Variants in COL24A1 observed in about 807,000 individuals in gnomAD.
The protein encoded by COL24A1 is collagen alpha-1(XXIV) chain.
A neutral mutation model predicts 253.9 loss-of-function variants in COL24A1; 224 were observed. The observed-to-expected ratio is 0.88, with a 90% CI of 0.79 to 0.99. The LOEUF (loss-of-function observed/expected upper bound fraction) is 0.99, where lower values mean the gene tolerates loss of function less well. COL24A1 is among the 50% of genes least tolerant of loss of function. The pLI is 0.00. For synonymous variants in COL24A1, 685 were observed against 673.7 expected (o/e 1.02, Z -0.26); for missense variants, 2,131 against 2,068.5 (o/e 1.03, Z -0.59).
chr1:86,089,649 T>C (rs1341421985), intron 6 of COL24A1, among the ~76,000 whole-genome samples: 1 of 151,924 alleles, frequency 6.6e-6, no homozygotes. Context: ...GTGAAACCCG[T>C]CTCTACTAAA....
chr1:86,089,305 T>C, intron 6 of COL24A1, 78 bp from the exon 7 acceptor site: 1 of 1,206,056 alleles, frequency 8.3e-7, no homozygotes, highest in Non-Finnish European at 1.2e-6. Flanking sequence ...AAAGCTCCTT[T>C]TAATTTTGGA....
intron 43 of COL24A1, among the ~76,000 whole-genome samples, chr1:85,833,069 T>G (rs1250625911): frequency 6.6e-6 from 1 of 152,132 alleles, no homozygotes; most frequent in Non-Finnish European, 1.5e-5. Context: ...GGGTTTGTCA[T>G]AGATAGCTCT....
chr1:86,101,960 C>A (rs1305370589), intron 5 of COL24A1, among the ~76,000 whole-genome samples: 2 of 151,910 alleles, frequency 1.3e-5, no homozygotes, highest in African/African-American at 2.4e-5. Flanking sequence ...AGGAATTGTA[C>A]CAGCTCTTTT....
intron 24 of COL24A1, among the ~76,000 whole-genome samples, chr1:85,920,919 G>A (rs1346285347): frequency 6.8e-6 from 1 of 146,996 alleles, no homozygotes. Context: ...TTCATTGGAG[G>A]CAAGAGGTAG....
intron 37 of COL24A1, among the ~76,000 whole-genome samples, chr1:85,853,588 G>A (rs189830048): frequency 5.1e-4 from 77 of 152,264 alleles, no homozygotes; most frequent in Non-Finnish European, 8.5e-4. Context: ...ATTCCCACTA[G>A]CAGTGTATAA....
chr1:86,063,275 G>C (rs866730104), intron 8 of COL24A1, among the ~76,000 whole-genome samples: 8 of 152,016 alleles, frequency 5.3e-5, no homozygotes, highest in Middle Eastern at 3.4e-3. Flanking sequence ...CTCAGGAAAA[G>C]GTCAGGGAAC....
At chr1:86,021,294 C>T (rs772597389) in intron 18 of COL24A1, among the ~76,000 whole-genome samples, 2 of 152,004 alleles carry the variant, frequency 1.3e-5, no homozygotes, top group Non-Finnish European at 2.9e-5. Context: ...AATCCTATAT[C>T]TAATTTTTTC....
intron 45 of COL24A1, among the ~76,000 whole-genome samples, chr1:85,822,625 T>C (rs115843747): frequency 1.5e-4 from 23 of 152,332 alleles, no homozygotes; most frequent in Non-Finnish European, 1.6e-4. Context: ...CTGTGTTACA[T>C]AGTCAAACTA....
intron 21 of COL24A1, 37 bp downstream of exon 21, chr1:85,971,302 AC>A (rs753113736): frequency 5.0e-6 from 8 of 1,585,260 alleles, no homozygotes; most frequent in Non-Finnish European, 6.0e-6. Context: ...TTAACTAAAA[AC>A]CTTGCTGAAG....
At chr1:85,947,757 T>C (rs1471598454) in intron 24 of COL24A1, among the ~76,000 whole-genome samples, 1 of 152,188 alleles carries the variant, frequency 6.6e-6, no homozygotes, top group Non-Finnish European at 1.5e-5. Flanking sequence ...CTAATAACTA[T>C]TTGTAATTTT....
chr1:86,040,338 AAGTTTTAG>A (rs1454940505), intron 12 of COL24A1, among the ~76,000 whole-genome samples: 2 of 150,838 alleles, frequency 1.3e-5, no homozygotes, highest in African/African-American at 4.9e-5. Flanking sequence ...ATTACACTTT[AAGTTTTAG>A]GGTACATGTG....
At position 85,812,284 on chromosome 1, in the gene COL24A1, C is replaced by T. The variant is rs930032042; in HGVS notation, c.3951+4504G>A. Among the ~76,000 whole-genome samples, 19 of 152,306 alleles carry T rather than the reference C, an allele frequency of 1.2e-4. No individual in the cohort carries two copies. In the East Asian group the frequency reaches 2.7e-3, roughly 22 times the overall value. ...AAGCAATTCAGATTTCCATGACACC[C>T]GTTCCCATTGCTTTGACATTGCTCC... is the stretch of plus-strand genomic sequence containing the variant. On this transcript the variant is annotated intron_variant, in intron 47 of 59. Coordinates refer to ENST00000370571, the MANE Select transcript of COL24A1 (RefSeq NM_152890.7).
intron 3 of COL24A1, among the ~76,000 whole-genome samples, chr1:86,116,669 A>G (rs1032722847): frequency 3.3e-5 from 5 of 152,196 alleles, no homozygotes; most frequent in Non-Finnish European, 5.9e-5. Flanking sequence ...ATTTTTTGAT[A>G]TTAACTACTC....
At chr1:86,053,284 G>C (rs1248140393) in intron 10 of COL24A1, among the ~76,000 whole-genome samples, 5 of 151,982 alleles carry the variant, frequency 3.3e-5, no homozygotes, top group Non-Finnish European at 5.9e-5. Context: ...ACTTATCAGT[G>C]AACTAAATAA....
intron 3 of COL24A1, among the ~76,000 whole-genome samples, chr1:86,119,119 C>A (rs192627339): frequency 6.6e-6 from 1 of 152,258 alleles, no homozygotes; most frequent in Admixed American, 6.5e-5. Context: ...ATTTTGCAGA[C>A]TACTCTCCCT....
intron 20 of COL24A1, among the ~76,000 whole-genome samples, chr1:85,979,072 A>T (rs1303285810): frequency 6.6e-6 from 1 of 152,202 alleles, no homozygotes; most frequent in Non-Finnish European, 1.5e-5. Context: ...AAATTAAATC[A>T]TCTGCTCCTG....
chr1:86,149,236 C>A (rs972149445), intron 1 of COL24A1, among the ~76,000 whole-genome samples: 1 of 152,114 alleles, frequency 6.6e-6, no homozygotes, highest in Admixed American at 6.6e-5. Context: ...ATCTTTCTCT[C>A]CTTGCCCCAC....
rs7540048 is a variant in COL24A1 at position 86,156,602 on chromosome 1, C to T, written c.-206G>A. 3,949 of 426,154 alleles carry T rather than the reference C, an allele frequency of 9.3e-3. 83 individuals are homozygous for T. Among genetic ancestry groups the T allele is most frequent in the East Asian group, 0.047 (1,203 of 25,856 alleles). The allele number at this position is 426,154 out of a possible 1,614,324, so 26.4% of individuals were successfully genotyped here. ...GCACCCGAAGGGGAGGACAGGCTTC[C>T]TAGCTCTCTGGCTCGGTAACGAACG... On this transcript the variant is annotated 5_prime_UTR_variant, in exon 1 of 60. Coordinates refer to ENST00000370571, the MANE Select transcript of COL24A1 (RefSeq NM_152890.7).
At chr1:86,043,561 C>T (rs1487348606) in intron 12 of COL24A1, among the ~76,000 whole-genome samples, 3 of 151,678 alleles carry the variant, frequency 2.0e-5, no homozygotes, top group Non-Finnish European at 4.4e-5. Context: ...TGGAGTCTCG[C>T]TCTGTTGCCA....
Sources: allele counts gnomAD v4.1 joint callset (sites outside exome capture counted in the v4.1 genomes callset), GRCh38; gene constraint gnomAD v4.1.1; transcripts MANE v1.5; gene names NCBI Gene and HGNC (gene_info 2026-07-23, HGNC 2026-07-21).